RBFOX3: variants seen among roughly 807,000 people sequenced by gnomAD.
RBFOX3 encodes RNA binding fox-1 homolog 3.
A neutral mutation model predicts 48.7 loss-of-function variants in RBFOX3; 17 were observed. That is an observed-to-expected ratio of 0.35 (90% CI 0.24 to 0.52). The LOEUF is 0.52. RBFOX3 is among the 20% of genes least tolerant of loss of function. RBFOX3 has a pLI of 0.94. For missense variants in RBFOX3, 382 were observed against 497.5 expected, an observed-to-expected ratio of 0.77 and a Z score of 2.21; for synonymous variants, 212 against 209.5, an observed-to-expected ratio of 1.01 and a Z score of -0.10.
intron 3 of RBFOX3, among the ~76,000 whole-genome samples, chr17:79,255,251 G>A (rs1247619953): frequency 6.7e-6 from 1 of 149,114 alleles, no homozygotes; most frequent in East Asian, 2.0e-4. Flanking sequence ...GTGTGTGTGT[G>A]TACTGGGGGT....
At chr17:79,109,123 T>C (rs948086055) in intron 5 of RBFOX3, among the ~76,000 whole-genome samples, 1 of 152,080 alleles carries the variant, frequency 6.6e-6, no homozygotes, top group Non-Finnish European at 1.5e-5. Context: ...GGTGTGAGGC[T>C]CCGGGTGGAT....
intron 1 of RBFOX3, chr17:79,599,154 C>G (rs972774518): frequency 1.3e-5 from 2 of 152,328 alleles, no homozygotes; most frequent in African/African-American, 4.8e-5. Context: ...CAAGTTTCCA[C>G]GCACGCATCT....
intron 3 of RBFOX3, among the ~76,000 whole-genome samples, chr17:79,248,378 G>T (rs987927285): frequency 6.6e-6 from 1 of 152,094 alleles, no homozygotes; most frequent in Non-Finnish European, 1.5e-5. Flanking sequence ...GACTACAGGC[G>T]CCCGTCAAGG....
chr17:79,495,077 C>T (rs895435646), intron 1 of RBFOX3, among the ~76,000 whole-genome samples: 15 of 151,964 alleles, frequency 9.9e-5, no homozygotes, highest in Non-Finnish European at 1.9e-4. Flanking sequence ...TGCGTGCTTC[C>T]CCAGGTGTTG....
chr17:79,170,446 A>C (rs528064210), intron 4 of RBFOX3, among the ~76,000 whole-genome samples: 1 of 152,104 alleles, frequency 6.6e-6, no homozygotes, highest in African/African-American at 2.4e-5. Context: ...TGTTTTCTCC[A>C]TCAGGGAGCC....
At chr17:79,651,245 G>A in the RBFOX3 span, among the ~76,000 whole-genome samples, 302 of 152,304 alleles carry the variant, frequency 2.0e-3, 3 homozygotes, top group African/African-American at 6.9e-3. Flanking sequence ...GCTCAGGGTT[G>A]GCTTCTGGAG....
intron 2 of RBFOX3, among the ~76,000 whole-genome samples, chr17:79,381,553 C>T (rs2059927195): frequency 6.6e-6 from 1 of 152,208 alleles, no homozygotes; most frequent in South Asian, 2.1e-4. Context: ...GGCAGGGCAT[C>T]TTCTGGTGTC....
At chr17:79,452,523 C>T (rs1454000446) in intron 2 of RBFOX3, among the ~76,000 whole-genome samples, 1 of 152,182 alleles carries the variant, frequency 6.6e-6, no homozygotes. Flanking sequence ...CCGTCCCCTG[C>T]CCTCTGGCTT....
chr17:79,186,321 G>A (rs1406501285), intron 4 of RBFOX3, among the ~76,000 whole-genome samples: 1 of 152,274 alleles, frequency 6.6e-6, no homozygotes, highest in Non-Finnish European at 1.5e-5. Context: ...TGGGACAGGG[G>A]CTGTTACGCT....
intron 1 of RBFOX3, among the ~76,000 whole-genome samples, chr17:79,516,967 T>C (rs1250515758): frequency 6.6e-6 from 1 of 151,914 alleles, no homozygotes; most frequent in East Asian, 1.9e-4. Context: ...GTTGCTGGGC[T>C]GGGGATGGGA....
At chr17:79,322,220 G>A (rs1025790216) in intron 2 of RBFOX3, among the ~76,000 whole-genome samples, 5 of 151,450 alleles carry the variant, frequency 3.3e-5, no homozygotes, top group Non-Finnish European at 7.4e-5. Flanking sequence ...ATACAGGGGG[G>A]TGGGTGGCAG....
intron 4 of RBFOX3, among the ~76,000 whole-genome samples, chr17:79,163,948 C>T (rs2047485260): frequency 6.6e-6 from 1 of 152,224 alleles, no homozygotes; most frequent in South Asian, 2.1e-4. Flanking sequence ...GGTGGGGACC[C>T]CTGCCCCACA....
At chr17:79,445,798 T>G (rs1555737869) in intron 2 of RBFOX3, among the ~76,000 whole-genome samples, 1 of 152,120 alleles carries the variant, frequency 6.6e-6, no homozygotes. Flanking sequence ...TCAGCCGGGG[T>G]TTGCAGGACA....
At chr17:79,283,419 C>A (rs758668753) in intron 3 of RBFOX3, among the ~76,000 whole-genome samples, 3 of 152,042 alleles carry the variant, frequency 2.0e-5, no homozygotes, top group Non-Finnish European at 4.4e-5. Context: ...TAGGCATGTG[C>A]CACCATGCCC....
intron 1 of RBFOX3, among the ~76,000 whole-genome samples, chr17:79,582,694 G>A (rs2093112766): frequency 6.7e-6 from 1 of 149,662 alleles, no homozygotes; most frequent in Non-Finnish European, 1.5e-5. Flanking sequence ...CTATGTGGGA[G>A]GCTACTGAAG....
chr17:79,589,618 G>A (rs2093358498), intron 1 of RBFOX3, among the ~76,000 whole-genome samples: 2 of 152,176 alleles, frequency 1.3e-5, no homozygotes, highest in South Asian at 4.1e-4. Flanking sequence ...CCAGGCTCCT[G>A]GAGCTTCCCT....
the RBFOX3 span, among the ~76,000 whole-genome samples, chr17:79,640,251 G>A: frequency 6.6e-6 from 1 of 152,122 alleles, no homozygotes; most frequent in Non-Finnish European, 1.5e-5. Context: ...AACTTAAAGA[G>A]GTTGAGGGCT....
intron 2 of RBFOX3, among the ~76,000 whole-genome samples, chr17:79,453,006 A>G (rs6501307): frequency 0.97 from 147,690 of 152,260 alleles, 71,793 homozygotes; most frequent in East Asian, 1. Flanking sequence ...TCATCTCTCC[A>G]GGTCTCGGTT....
chr17:79,510,967 G>C (rs2084082184), intron 1 of RBFOX3, among the ~76,000 whole-genome samples: 1 of 152,180 alleles, frequency 6.6e-6, no homozygotes, highest in Non-Finnish European at 1.5e-5. Context: ...ATGCATCCCA[G>C]GAGCCAAGAA....
Sources: gnomAD v4.1 joint callset for allele counts (sites outside exome capture counted in the v4.1 genomes callset) on GRCh38, gnomAD v4.1.1 for gene constraint, MANE v1.5 for transcripts, NCBI Gene and HGNC (gene_info 2026-07-23, HGNC 2026-07-21) for gene names.